Variants in HNF4A observed in about 807,000 individuals in gnomAD.
HNF4A encodes hepatocyte nuclear factor 4 alpha.
Under a neutral mutation model 52.4 loss-of-function variants are expected in HNF4A, and 15 were observed. That is an observed-to-expected ratio of 0.29 (90% CI 0.19 to 0.44). The LOEUF (loss-of-function observed/expected upper bound fraction) is 0.44. HNF4A is among the 20% of genes least tolerant of loss of function. The pLI is 1.00. For missense variants in HNF4A, 479 were observed against 647.2 expected (o/e 0.74, Z 2.82); for synonymous variants, 280 against 264.4 (o/e 1.06, Z -0.57).
intron 8 of HNF4A, among the ~76,000 whole-genome samples, chr20:44,426,357 G>T (rs1227400487): frequency 6.6e-6 from 1 of 152,166 alleles, no homozygotes; most frequent in Non-Finnish European, 1.5e-5. Flanking sequence ...CCAGATTGGA[G>T]AGTGCTCCAA....
chr20:44,406,358 T>C (rs539198483), intron 2 of HNF4A, 126 bp downstream of exon 2: 246 of 796,984 alleles, frequency 3.1e-4, no homozygotes, highest in Admixed American at 8.7e-4. Flanking sequence ...AAGGCTCTTC[T>C]GGTTTTGTAA....
At chr20:44,390,470 CATGG>C in intron 1 of HNF4A, 2 of 599,932 alleles carry the variant, frequency 3.3e-6, no homozygotes, top group South Asian at 3.9e-5. Flanking sequence ...CTGCAGTTTC[CATGG>C]AGACCGCCTC....
At chr20:44,361,725 AC>A (rs1291155505) in intron 1 of HNF4A, among the ~76,000 whole-genome samples, 2 of 152,002 alleles carry the variant, frequency 1.3e-5, no homozygotes, top group South Asian at 2.1e-4. Flanking sequence ...AACAAAAAAA[AC>A]AACTTTGCTT....
chr20:44,374,740 A>G (rs2063067903), intron 1 of HNF4A, among the ~76,000 whole-genome samples: 1 of 152,264 alleles, frequency 6.6e-6, no homozygotes, highest in Non-Finnish European at 1.5e-5. Context: ...CTAGGATTAC[A>G]GGCGTGAGCC....
At chr20:44,386,665 A>G (rs1161967196) in intron 1 of HNF4A, among the ~76,000 whole-genome samples, 1 of 152,190 alleles carries the variant, frequency 6.6e-6, no homozygotes, top group East Asian at 1.9e-4. Context: ...AGGGTAGGGA[A>G]AAGTGCTGCT....
chr20:44,364,528 C>T (rs562895626), intron 1 of HNF4A, among the ~76,000 whole-genome samples: 3 of 151,726 alleles, frequency 2.0e-5, no homozygotes, highest in Admixed American at 1.3e-4. Context: ...TGGAGTGCAG[C>T]GGCACGATCT....
intron 1 of HNF4A, chr20:44,401,577 G>T (rs2063410144): frequency 1.3e-6 from 2 of 1,494,270 alleles, no homozygotes; most frequent in Non-Finnish European, 1.8e-6. Flanking sequence ...CTTTGGGGTG[G>T]GAGGAGAATG....
At chr20:44,389,292 T>G (rs1034960248) in intron 1 of HNF4A, among the ~76,000 whole-genome samples, 4 of 152,226 alleles carry the variant, frequency 2.6e-5, no homozygotes, top group African/African-American at 9.6e-5. Flanking sequence ...TGCTTATGTC[T>G]GCAACCCGCC....
At chr20:44,427,911 A>T (rs2063831052) in intron 8 of HNF4A, among the ~76,000 whole-genome samples, 1 of 152,190 alleles carries the variant, frequency 6.6e-6, no homozygotes, top group African/African-American at 2.4e-5. Flanking sequence ...TAGATGCTAT[A>T]AGTAGGTCAG....
Position 44,429,891 on chromosome 20 carries a change from C to A in HNF4A, c.*226C>A, listed in dbSNP as rs886056680. The A allele has an allele frequency of 1.8e-6, 1 of 569,850 alleles. No homozygotes were observed. The highest frequency in any genetic ancestry group is 1.9e-5 in the African/African-American group (1 of 53,456). The allele number at this position is 569,850 out of a possible 1,614,324, so 35.3% of individuals were successfully genotyped here. Reference sequence around the variant, plus strand: ...CTTTGACTTGGGGAGACCTCTACTGCCTTGGACAACTTTTCTCATGTTGAA... The same window carrying A: ...CTTTGACTTGGGGAGACCTCTACTGACTTGGACAACTTTTCTCATGTTGAA... On this transcript the variant is annotated 3_prime_UTR_variant, in exon 10 of 10. Transcript: ENST00000316099.
At chr20:44,374,186 G>A (rs1052077371) in intron 1 of HNF4A, among the ~76,000 whole-genome samples, 8 of 152,228 alleles carry the variant, frequency 5.3e-5, no homozygotes, top group South Asian at 2.1e-4. Context: ...TGATGTCAAC[G>A]TGTACCCAAT....
chr20:44,401,544 A>G (rs946559968), intron 1 of HNF4A: 265 of 1,602,320 alleles, frequency 1.7e-4, no homozygotes, highest in Non-Finnish European at 2.1e-4. Context: ...GCCTGGGTCC[A>G]GGAGCAGATC....
At chr20:44,388,140 G>C (rs1465502448) in intron 1 of HNF4A, among the ~76,000 whole-genome samples, 1 of 151,392 alleles carries the variant, frequency 6.6e-6, no homozygotes, top group Non-Finnish European at 1.5e-5. Context: ...CCAGGCTGGA[G>C]TGCAGTGGCG....
intron 1 of HNF4A, among the ~76,000 whole-genome samples, chr20:44,366,060 T>C (rs2062967005): frequency 6.6e-6 from 1 of 152,082 alleles, no homozygotes; most frequent in Non-Finnish European, 1.5e-5. Flanking sequence ...AAAAAATATT[T>C]TTACTGAAGT....
At chr20:44,367,833 G>A (rs2062985466) in intron 1 of HNF4A, among the ~76,000 whole-genome samples, 1 of 151,778 alleles carries the variant, frequency 6.6e-6, no homozygotes, top group African/African-American at 2.4e-5. Flanking sequence ...GGTAGGTACT[G>A]TCATCATACC....
intron 1 of HNF4A, among the ~76,000 whole-genome samples, chr20:44,364,400 T>C (rs950939441): frequency 1.3e-5 from 2 of 152,178 alleles, no homozygotes; most frequent in African/African-American, 2.4e-5. Flanking sequence ...CAAAAATATT[T>C]GGAAAATCAG....
intron 1 of HNF4A, chr20:44,377,923 G>A (rs1046649037): frequency 6.6e-6 from 1 of 152,122 alleles, no homozygotes; most frequent in Non-Finnish European, 1.5e-5. Flanking sequence ...TGCAGAGATG[G>A]AATTTCTGTA....
upstream of HNF4A, among the ~76,000 whole-genome samples, chr20:44,396,528 T>C (rs1275839531): frequency 1.3e-5 from 2 of 152,094 alleles, no homozygotes; most frequent in African/African-American, 4.8e-5. Flanking sequence ...ATCTGCTGCC[T>C]CTTGAGCTGG....
At chr20:44,402,495 T>C in intron 1 of HNF4A, 1 of 1,198,820 alleles carries the variant, frequency 8.3e-7, no homozygotes, top group Non-Finnish European at 1.1e-6. Flanking sequence ...CAGGACTCTG[T>C]TGTTGCCACT....
Sources: gnomAD v4.1 joint callset for allele counts (sites outside exome capture counted in the v4.1 genomes callset) on GRCh38, gnomAD v4.1.1 for gene constraint, MANE v1.5 for transcripts, NCBI Gene and HGNC (gene_info 2026-07-23, HGNC 2026-07-21) for gene names.